The following TPX2 variants were observed in gnomAD, a reference collection of about 807,000 sequenced individuals.
TPX2 encodes targeting protein for Xklp2.
Under a neutral mutation model 93.6 loss-of-function variants are expected in TPX2, and 21 were observed. The observed-to-expected ratio is 0.22, with a 90% CI of 0.16 to 0.32. The LOEUF is 0.32. Ranked by LOEUF, TPX2 falls within the 10% of genes least tolerant of loss-of-function variation. The pLI, the probability that TPX2 is intolerant of heterozygous loss-of-function variation, is 1.00. For missense variants in TPX2, 776 were observed against 871.1 expected (o/e 0.89, Z 1.37); for synonymous variants, 281 against 298.3 (o/e 0.94, Z 0.60).
chr20:31,747,005 C>T (rs2061787152), intron 2 of TPX2, among the ~76,000 whole-genome samples: 1 of 150,572 alleles, frequency 6.6e-6, no homozygotes, highest in South Asian at 2.1e-4. Flanking sequence ...ATGCTGTTCT[C>T]CTTCTCTGCA....
chr20:31,793,947 C>A lies in TPX2; in HGVS notation c.1609C>A (p.Pro537Thr). 1 of 1,613,884 alleles carries A rather than the reference C, an allele frequency of 6.2e-7. No homozygotes were observed. The highest frequency in any genetic ancestry group is 8.5e-7 in the Non-Finnish European group (1 of 1,179,924). Reference sequence around the variant, plus strand: ...AGAGGCAAGAACTGTGGAAATATGCCCTTTCTCGTTTGATTCTCGAGACAA... The same window carrying A: ...AGAGGCAAGAACTGTGGAAATATGCACTTTCTCGTTTGATTCTCGAGACAA... ...IPEARTVEIC[P>T]FSFDSRDKER... is the part of the protein sequence containing the mutation. Residue 537 changes from proline to threonine, a missense_variant, in exon 14 of 18, where the codon CCT (proline) becomes ACT (threonine). Coordinates refer to ENST00000300403, the MANE Select transcript of TPX2 (RefSeq NM_012112.5).
chr20:31,745,458 T>C (rs1427214125), intron 2 of TPX2, among the ~76,000 whole-genome samples: 1 of 151,612 alleles, frequency 6.6e-6, no homozygotes, highest in Non-Finnish European at 1.5e-5. Context: ...GCCTCCCGAG[T>C]AGCTAGGATT....
At chr20:31,771,442 C>A in intron 6 of TPX2, 118 bp from the exon 7 acceptor site, 1 of 1,294,326 alleles carries the variant, frequency 7.7e-7, no homozygotes, top group Non-Finnish European at 1.0e-6. Context: ...GTGGTCGAAG[C>A]ATGCTTGTTA....
At chr20:31,794,755 A>AGTGTGTGTGTGTGTGT (rs35018680) in intron 15 of TPX2, among the ~76,000 whole-genome samples, 3 of 145,490 alleles carry the variant, frequency 2.1e-5, no homozygotes, top group African/African-American at 5.1e-5. Flanking sequence ...TCTGTCGCAT[A>AGTGTGTGTGTGTGTGT]GTGTGTGTGT....
Position 31,741,364 on chromosome 20 carries a change from T to C in TPX2, c.-177-1177T>C, listed in dbSNP as rs143730613. ...TCTCACTCTGTCGCCCAGGCTGGAG[T>C]GCAGTGGCGCGATTTCAGCTCACTG... On this transcript the variant is annotated intron_variant, in intron 1 of 17. Coordinates refer to ENST00000300403, the MANE Select transcript of TPX2 (RefSeq NM_012112.5). Among the ~76,000 whole-genome samples the C allele has an allele frequency of 4.5e-3, 680 of 151,514 alleles. 3 individuals carry two copies. Among genetic ancestry groups the C allele is most frequent in the Non-Finnish European group, 7.9e-3 (537 of 67,902 alleles).
intron 7 of TPX2, among the ~76,000 whole-genome samples, chr20:31,772,019 CTTTT>C (rs397866298): frequency 8.0e-6 from 1 of 125,262 alleles, no homozygotes; most frequent in Non-Finnish European, 1.6e-5. Flanking sequence ...GCCTGGCTAA[CTTTT>C]TTTTTTTTTT....
chr20:31,783,846 AAAG>A lies in TPX2; in HGVS notation c.1344_1346del (p.Lys449del). ...AGAAAAGAATCCAGGAGCGAGAATC[AAAG>A]AAGAAAACAGAGGATGAACACTTTG... On this transcript the variant is annotated inframe_deletion, in exon 12 of 18. Transcript: ENST00000300403. The A allele has an allele frequency of 6.2e-7, 1 of 1,608,786 alleles. No individual in the cohort carries two copies. Among genetic ancestry groups the A allele is most frequent in the Non-Finnish European group, 8.5e-7 (1 of 1,178,918 alleles).
chr20:31,794,697 A>G, intron 15 of TPX2, 149 bp downstream of exon 15: 2 of 1,019,098 alleles, frequency 2.0e-6, no homozygotes, highest in South Asian at 1.6e-5. Flanking sequence ...TTATTTCTGT[A>G]AAGGGCCAGA....
chr20:31,783,191 T>A (rs1041672704), intron 11 of TPX2, among the ~76,000 whole-genome samples: 2 of 152,086 alleles, frequency 1.3e-5, no homozygotes, highest in African/African-American at 4.8e-5. Flanking sequence ...AATTCTTAAG[T>A]GGTAGGGATG....
chr20:31,788,930 C>A (rs931703479), intron 12 of TPX2, among the ~76,000 whole-genome samples: 5 of 152,138 alleles, frequency 3.3e-5, no homozygotes, highest in Non-Finnish European at 4.4e-5. Flanking sequence ...TTCCTAACTG[C>A]CCTGGGACAG....
chr20:31,780,918 C>T (rs1053148950), intron 10 of TPX2: 1 of 404,952 alleles, frequency 2.5e-6, no homozygotes, highest in South Asian at 1.8e-5. Context: ...TATTTATTTT[C>T]CTTCTTGTTT....
chr20:31,795,258 C>T (rs935692204), intron 15 of TPX2, among the ~76,000 whole-genome samples: 18 of 152,094 alleles, frequency 1.2e-4, no homozygotes, highest in African/African-American at 4.3e-4. Flanking sequence ...CTCAGCCTCC[C>T]GAGTAGCTGG....
At chr20:31,788,063 A>G (rs1414982532) in intron 12 of TPX2, among the ~76,000 whole-genome samples, 1 of 152,074 alleles carries the variant, frequency 6.6e-6, no homozygotes, top group Non-Finnish European at 1.5e-5. Context: ...CCCAAGATTT[A>G]TTTTCCTTTC....
intron 8 of TPX2, 50 bp from the exon 9 acceptor site, chr20:31,777,437 T>C: frequency 6.3e-7 from 1 of 1,582,326 alleles, no homozygotes; most frequent in Non-Finnish European, 8.6e-7. Context: ...GATTTACTGG[T>C]GTTCCCTATC....
At chr20:31,793,775 C>G in intron 13 of TPX2, 73 bp from the exon 14 acceptor site, 1 of 1,388,182 alleles carries the variant, frequency 7.2e-7, no homozygotes, top group Non-Finnish European at 9.7e-7. Flanking sequence ...AATATAATGT[C>G]TTCTGACTCC....
At chr20:31,749,836 C>G (rs184876259) in intron 2 of TPX2, among the ~76,000 whole-genome samples, 1 of 152,106 alleles carries the variant, frequency 6.6e-6, no homozygotes, top group East Asian at 1.9e-4. Flanking sequence ...TTATTTTTAA[C>G]TTTTTCAAAT....
At chr20:31,795,471 C>T (rs1329492944) in intron 15 of TPX2, among the ~76,000 whole-genome samples, 7 of 152,232 alleles carry the variant, frequency 4.6e-5, no homozygotes, top group Non-Finnish European at 8.8e-5. Flanking sequence ...TTAGCTCAAG[C>T]GCTGTCCTAA....
chr20:31,752,411 AT>A (rs983893223), intron 2 of TPX2, among the ~76,000 whole-genome samples: 2 of 152,180 alleles, frequency 1.3e-5, no homozygotes, highest in Non-Finnish European at 2.9e-5. Flanking sequence ...GGTAACTTCC[AT>A]TTTAATGTAC....
Position 31,771,581 on chromosome 20 carries a change from A to G in TPX2, c.507A>G (p.Pro169=), listed in dbSNP as rs2061964691. The change falls in exon 7 of 18, where the codon CCA becomes CCG. Residue 169 remains proline (P), a synonymous_variant. Transcript: ENST00000300403. ...CAAGTTCTAACAACAAAAAGAAGCC[A>G]GAGGAAGAAGGCAGTGCTCATCAAG... ...KMKVSNNKKK[P]EEEGSAHQDT... The G allele has an allele frequency of 1.3e-5, 21 of 1,611,378 alleles. No individual in the cohort carries two copies. The highest frequency in any genetic ancestry group is 1.8e-5 in the Non-Finnish European group (21 of 1,179,414).
Sources: allele counts gnomAD v4.1 joint callset (sites outside exome capture counted in the v4.1 genomes callset), GRCh38; gene constraint gnomAD v4.1.1; transcripts MANE v1.5; gene names NCBI Gene and HGNC (gene_info 2026-07-23, HGNC 2026-07-21).